CNTNAP2: variants seen among roughly 807,000 people sequenced by gnomAD.
CNTNAP2 encodes contactin associated protein 2, also known as contactin-associated protein-like 2.
A neutral mutation model predicts 155.2 loss-of-function variants in CNTNAP2; 98 were observed. That is an observed-to-expected ratio of 0.63 (90% CI 0.54 to 0.75). CNTNAP2 has a LOEUF of 0.75. CNTNAP2 is among the 30% of genes least tolerant of loss of function. The pLI is 0.00. For synonymous variants in CNTNAP2, 651 were observed against 631.2 expected, an observed-to-expected ratio of 1.03 and a Z score of -0.47; for missense variants, 1,727 against 1,688.1, an observed-to-expected ratio of 1.02 and a Z score of -0.40.
intron 4 of CNTNAP2, among the ~76,000 whole-genome samples, chr7:147,044,464 C>A (rs112554870): frequency 1.3e-5 from 2 of 152,208 alleles, no homozygotes; most frequent in Non-Finnish European, 2.9e-5. Context: ...CGAAGAACTT[C>A]CTTCGGGTTC....
At chr7:146,625,367 G>C (rs1057417928) in intron 1 of CNTNAP2, among the ~76,000 whole-genome samples, 2 of 151,860 alleles carry the variant, frequency 1.3e-5, no homozygotes, top group South Asian at 4.1e-4. Flanking sequence ...AAAAAAATGA[G>C]AGTTTTGAGT....
intron 13 of CNTNAP2, among the ~76,000 whole-genome samples, chr7:147,796,581 T>TAA (rs777414793): frequency 6.1e-4 from 53 of 87,374 alleles, no homozygotes; most frequent in African/African-American, 2.2e-3. Flanking sequence ...CCAGGATTTA[T>TAA]TAAAAAAAAA....
At chr7:147,152,979 GGTCAGT>G (rs1801855353) in intron 8 of CNTNAP2, among the ~76,000 whole-genome samples, 1 of 152,020 alleles carries the variant, frequency 6.6e-6, no homozygotes, top group African/African-American at 2.4e-5. Flanking sequence ...AGAACAAGGA[GGTCAGT>G]GTGGATCAGA....
chr7:147,797,783 A>G (rs765002257), intron 13 of CNTNAP2, among the ~76,000 whole-genome samples: 2 of 152,186 alleles, frequency 1.3e-5, no homozygotes, highest in Non-Finnish European at 2.9e-5. Context: ...TATTTGAGCT[A>G]TAAAGACTAG....
At chr7:146,214,844 T>C (rs1471588324) in intron 1 of CNTNAP2, among the ~76,000 whole-genome samples, 3 of 152,174 alleles carry the variant, frequency 2.0e-5, no homozygotes, top group Non-Finnish European at 4.4e-5. Context: ...AATTGACTTA[T>C]CTGCTTTACT....
intron 9 of CNTNAP2, among the ~76,000 whole-genome samples, chr7:147,367,992 C>A (rs1796265799): frequency 6.9e-6 from 1 of 145,214 alleles, no homozygotes; most frequent in African/African-American, 2.6e-5. Flanking sequence ...TTCTTTCTCT[C>A]TCTCTCTCTG....
rs543029148 is a variant in CNTNAP2, at chr7:148,122,867, A to AAAAAAAAAAAAG, written c.2554+4587_2554+4588insAAAGAAAAAAAA. Reference sequence around the variant, plus strand: ...CAAGAATACATCTCAAAAAAAAAAGAAAAAAAAAGAAAGATCCTTAACAGA... The same window carrying AAAAAAAAAAAAG: ...CAAGAATACATCTCAAAAAAAAAAGAAAAAAAAAAAAGAAAAAAAAGAAAGATCCTTAACAGA... On this transcript the variant is annotated intron_variant, in intron 16 of 23. Coordinates refer to ENST00000361727, the MANE Select transcript of CNTNAP2 (RefSeq NM_014141.6). Among the ~76,000 whole-genome samples, 837 of 150,560 alleles carry AAAAAAAAAAAAG rather than the reference A, an allele frequency of 5.6e-3. 18 individuals carry two copies. Among genetic ancestry groups the AAAAAAAAAAAAG allele is most frequent in the African/African-American group, 0.019 (779 of 40,360 alleles).
At chr7:147,014,131 A>G (rs1248906046) in intron 3 of CNTNAP2, among the ~76,000 whole-genome samples, 1 of 152,192 alleles carries the variant, frequency 6.6e-6, no homozygotes, top group Non-Finnish European at 1.5e-5. Flanking sequence ...CATTGAATTA[A>G]TTCACTAAAG....
At chr7:147,174,054 A>C (rs182432079) in intron 8 of CNTNAP2, among the ~76,000 whole-genome samples, 4 of 152,176 alleles carry the variant, frequency 2.6e-5, no homozygotes, top group African/African-American at 9.7e-5. Flanking sequence ...CCTCTGAATC[A>C]TGTATGTCCT....
chr7:147,325,607 T>A (rs1795440432), intron 9 of CNTNAP2, among the ~76,000 whole-genome samples: 1 of 152,222 alleles, frequency 6.6e-6, no homozygotes, highest in South Asian at 2.1e-4. Flanking sequence ...CTTTTCTTTT[T>A]AGCCAGTCAA....
chr7:147,649,729 A>G (rs1012285298), intron 13 of CNTNAP2, among the ~76,000 whole-genome samples: 5 of 152,064 alleles, frequency 3.3e-5, no homozygotes, highest in Non-Finnish European at 7.4e-5. Context: ...AGATTGTAAA[A>G]ATGAAGAAAC....
At chr7:146,305,248 G>T (rs754832552) in intron 1 of CNTNAP2, among the ~76,000 whole-genome samples, 3 of 151,994 alleles carry the variant, frequency 2.0e-5, no homozygotes, top group Non-Finnish European at 2.9e-5. Context: ...GTTTGTTGTT[G>T]CCAGTCGTCT....
At chr7:148,393,396 G>A (rs1799397155) in intron 22 of CNTNAP2, among the ~76,000 whole-genome samples, 2 of 152,134 alleles carry the variant, frequency 1.3e-5, no homozygotes. Context: ...TCCCTTGCTT[G>A]CTAATGTGCA....
At chr7:147,125,741 A>G (rs532671093) in intron 6 of CNTNAP2, among the ~76,000 whole-genome samples, 1 of 152,312 alleles carries the variant, frequency 6.6e-6, no homozygotes, top group Admixed American at 6.5e-5. Context: ...TGGACAATTC[A>G]TATTCCCCTT....
chr7:146,905,752 A>G (rs1216487435), intron 3 of CNTNAP2, among the ~76,000 whole-genome samples: 1 of 152,162 alleles, frequency 6.6e-6, no homozygotes, highest in Non-Finnish European at 1.5e-5. Context: ...ACCTATAACA[A>G]TTTTTAACTT....
intron 3 of CNTNAP2, among the ~76,000 whole-genome samples, chr7:146,968,457 G>A (rs1181012585): frequency 2.0e-5 from 3 of 151,736 alleles, no homozygotes; most frequent in African/African-American, 4.8e-5. Context: ...TTTTTGGTTG[G>A]TAAGCTATTG....
chr7:147,106,946 C>T (rs1800777716), intron 4 of CNTNAP2, among the ~76,000 whole-genome samples: 1 of 152,156 alleles, frequency 6.6e-6, no homozygotes, highest in Non-Finnish European at 1.5e-5. Flanking sequence ...CTCTGACAGG[C>T]TTTAAACTGG....
At chr7:148,079,993 A>G (rs1359402096) in intron 15 of CNTNAP2, among the ~76,000 whole-genome samples, 1 of 152,188 alleles carries the variant, frequency 6.6e-6, no homozygotes. Flanking sequence ...AGTAACCTGT[A>G]TCACTGTTGT....
chr7:146,510,801 T>G (rs890734402), intron 1 of CNTNAP2, among the ~76,000 whole-genome samples: 3 of 152,126 alleles, frequency 2.0e-5, no homozygotes, highest in Non-Finnish European at 4.4e-5. Context: ...TTGGTGTACA[T>G]AAATGCTACT....
Sources: gnomAD v4.1 joint callset for allele counts (sites outside exome capture counted in the v4.1 genomes callset) on GRCh38, gnomAD v4.1.1 for gene constraint, MANE v1.5 for transcripts, NCBI Gene and HGNC (gene_info 2026-07-23, HGNC 2026-07-21) for gene names.